MAGI1: variants seen among roughly 807,000 people sequenced by gnomAD.
MAGI1 encodes the protein membrane-associated guanylate kinase, WW and PDZ domain-containing protein 1.
A neutral mutation model predicts 139.9 loss-of-function variants in MAGI1; 58 were observed. The ratio of observed to expected loss-of-function variants is 0.41; its 90% confidence interval spans 0.34 to 0.52. The LOEUF (loss-of-function observed/expected upper bound fraction) is 0.52. Among genes scored for constraint, MAGI1 ranks in the 20% least tolerant of loss-of-function variants. The pLI is 0.12. For missense variants in MAGI1, 1,874 were observed against 1,901.6 expected, an observed-to-expected ratio of 0.99 and a Z score of 0.27; for synonymous variants, 812 against 737.9, an observed-to-expected ratio of 1.10 and a Z score of -1.63.
chr3:65,508,962 G>T (rs535533661), intron 2 of MAGI1, among the ~76,000 whole-genome samples: 1 of 152,314 alleles, frequency 6.6e-6, no homozygotes, highest in South Asian at 2.1e-4. Context: ...GGGTAAGACT[G>T]CCATTAGCTT....
intron 1 of MAGI1, among the ~76,000 whole-genome samples, chr3:65,680,082 C>A (rs1475676122): frequency 6.6e-6 from 1 of 152,146 alleles, no homozygotes; most frequent in African/African-American, 2.4e-5. Context: ...AGTATGGGGA[C>A]AAGAAAGCTC....
intron 2 of MAGI1, among the ~76,000 whole-genome samples, chr3:65,598,234 G>A (rs1250223764): frequency 6.6e-6 from 1 of 152,142 alleles, no homozygotes; most frequent in Non-Finnish European, 1.5e-5. Flanking sequence ...GGAGGGGGCG[G>A]GGACTGAGCG....
intron 1 of MAGI1, among the ~76,000 whole-genome samples, chr3:65,893,655 G>T (rs992235870): frequency 2.6e-5 from 4 of 152,128 alleles, no homozygotes; most frequent in Non-Finnish European, 5.9e-5. Context: ...GGTAAAGACA[G>T]TATGCAAAAT....
At chr3:66,018,974 C>G (rs141220134) in intron 1 of MAGI1, among the ~76,000 whole-genome samples, 3 of 152,168 alleles carry the variant, frequency 2.0e-5, no homozygotes, top group Non-Finnish European at 4.4e-5. Context: ...GGTACCTACC[C>G]ACACCAAGAA....
intron 1 of MAGI1, among the ~76,000 whole-genome samples, chr3:65,678,149 C>T (rs115167750): frequency 0.069 from 10,561 of 152,072 alleles, 506 homozygotes; most frequent in Non-Finnish European, 0.11. Context: ...AGGTGGGGAA[C>T]ATCACACACC....
At chr3:65,809,368 T>A (rs1262416067) in intron 1 of MAGI1, among the ~76,000 whole-genome samples, 1 of 152,140 alleles carries the variant, frequency 6.6e-6, no homozygotes, top group African/African-American at 2.4e-5. Flanking sequence ...GAGAAAACTT[T>A]ATGTAAAACT....
chr3:65,801,594 C>T (rs2040517995), intron 1 of MAGI1, among the ~76,000 whole-genome samples: 1 of 152,134 alleles, frequency 6.6e-6, no homozygotes, highest in African/African-American at 2.4e-5. Context: ...CCCTGACAGC[C>T]TCCTTCACTT....
intron 14 of MAGI1, among the ~76,000 whole-genome samples, chr3:65,390,547 T>C (rs1171018651): frequency 6.6e-6 from 1 of 152,194 alleles, no homozygotes; most frequent in Non-Finnish European, 1.5e-5. Flanking sequence ...ATTATGTTTA[T>C]ACAAGCCAAG....
At chr3:65,549,356 TC>T (rs2079699396) in intron 2 of MAGI1, 1 of 779,066 alleles carries the variant, frequency 1.3e-6, no homozygotes, top group Non-Finnish European at 1.6e-6. Context: ...CCTAACCCCC[TC>T]CCCTCCCCTC....
chr3:65,658,571 T>A (rs2086015756), intron 1 of MAGI1, among the ~76,000 whole-genome samples: 1 of 152,212 alleles, frequency 6.6e-6, no homozygotes, highest in African/African-American at 2.4e-5. Context: ...TTGGTTAAAA[T>A]GCTCATTCTG....
intron 1 of MAGI1, among the ~76,000 whole-genome samples, chr3:65,827,538 G>A (rs2042293052): frequency 6.6e-6 from 1 of 152,086 alleles, no homozygotes; most frequent in African/African-American, 2.4e-5. Flanking sequence ...CTCTTGCTCC[G>A]AAGCCCACTG....
At chr3:65,766,374 T>C (rs2037475088) in intron 1 of MAGI1, among the ~76,000 whole-genome samples, 1 of 152,078 alleles carries the variant, frequency 6.6e-6, no homozygotes, top group Non-Finnish European at 1.5e-5. Flanking sequence ...TACCATATTT[T>C]AGGAGGAACA....
chr3:65,397,977 T>C (rs1027112540), intron 13 of MAGI1, among the ~76,000 whole-genome samples: 1 of 152,138 alleles, frequency 6.6e-6, no homozygotes, highest in African/African-American at 2.4e-5. Context: ...ATTGATGAAA[T>C]GACTGCATAA....
At chr3:65,980,792 C>G (rs1308145950) in intron 1 of MAGI1, among the ~76,000 whole-genome samples, 1 of 152,080 alleles carries the variant, frequency 6.6e-6, no homozygotes, top group Non-Finnish European at 1.5e-5. Context: ...GTAGAGCTTA[C>G]CCCGTCCAAT....
intron 4 of MAGI1, among the ~76,000 whole-genome samples, chr3:65,473,877 A>C (rs983222662): frequency 6.6e-6 from 1 of 152,136 alleles, no homozygotes; most frequent in African/African-American, 2.4e-5. Context: ...AAGAAAATGG[A>C]AAGTCCAAAA....
chr3:65,463,808 G>C lies in MAGI1; in HGVS notation c.959+6475C>G, dbSNP rs575760883. Among the ~76,000 whole-genome samples, 8 of 152,216 alleles carry C rather than the reference G, an allele frequency of 5.3e-5. No individual in the cohort carries two copies. In the South Asian group the frequency reaches 1.7e-3, roughly 32 times the overall value. ...AATTACTGCCTCAATTTCAGAACTT[G>C]TTATTGGTCTATTCAGGGATGCAAC... is the stretch of plus-strand genomic sequence containing the variant. On this transcript the variant is annotated intron_variant, in intron 5 of 22. Transcript: ENST00000402939.
intron 2 of MAGI1, among the ~76,000 whole-genome samples, chr3:65,605,434 T>C (rs752887239): frequency 5.9e-5 from 9 of 152,298 alleles, no homozygotes; most frequent in Non-Finnish European, 1.0e-4. Flanking sequence ...GGAGAAATTA[T>C]AGATTTGATA....
At chr3:65,806,558 T>C (rs1253574095) in intron 1 of MAGI1, among the ~76,000 whole-genome samples, 5 of 152,196 alleles carry the variant, frequency 3.3e-5, no homozygotes, top group African/African-American at 9.6e-5. Flanking sequence ...TGCCCGTAAG[T>C]CTCCCACCAC....
chr3:65,515,283 C>A (rs1344564623), intron 2 of MAGI1, among the ~76,000 whole-genome samples: 1 of 151,312 alleles, frequency 6.6e-6, no homozygotes, highest in Non-Finnish European at 1.5e-5. Flanking sequence ...ACAATGTGCA[C>A]ATGTACCCTA....
Sources: gnomAD v4.1 joint callset for allele counts (sites outside exome capture counted in the v4.1 genomes callset) on GRCh38, gnomAD v4.1.1 for gene constraint, MANE v1.5 for transcripts, NCBI Gene and HGNC (gene_info 2026-07-23, HGNC 2026-07-21) for gene names.